Variants in NBEA observed in about 807,000 individuals in gnomAD.
The protein encoded by NBEA is neurobeachin, also known as lysosomal-trafficking regulator 2.
NBEA carries 44 observed loss-of-function variants against 343.4 expected under a neutral mutation model. The observed-to-expected ratio is 0.13, with a 90% confidence interval of 0.10 to 0.16. NBEA has a LOEUF of 0.16. Among genes scored for constraint, NBEA ranks in the 10% least tolerant of loss-of-function variants. The pLI is 1.00. For missense variants in NBEA, 2,555 were observed against 3,631.3 expected (o/e 0.70, Z 7.62); for synonymous variants, 1,175 against 1,238.7 (o/e 0.95, Z 1.08).
chr13:35,475,562 G>A (rs753585442), intron 41 of NBEA: 2 of 1,613,454 alleles, frequency 1.2e-6, no homozygotes, highest in Non-Finnish European at 1.7e-6. Flanking sequence ...CCCGGCCAGG[G>A]GATGTGGGGA....
intron 41 of NBEA, among the ~76,000 whole-genome samples, chr13:35,526,241 C>T (rs931568213): frequency 6.6e-5 from 10 of 152,164 alleles, no homozygotes; most frequent in Non-Finnish European, 1.3e-4. Context: ...TGCTATGAAA[C>T]GGTCCAATCA....
chr13:35,240,132 C>T (rs571879006), intron 34 of NBEA, among the ~76,000 whole-genome samples: 10 of 151,456 alleles, frequency 6.6e-5, no homozygotes, highest in East Asian at 2.0e-4. Context: ...TCTATGTATT[C>T]GTAATGATAA....
intron 13 of NBEA, among the ~76,000 whole-genome samples, chr13:35,115,267 T>A (rs2066437616): frequency 6.6e-6 from 1 of 152,110 alleles, no homozygotes. Flanking sequence ...CAAAGCTTTA[T>A]TTTGAATACA....
At chr13:35,312,301 C>T (rs1033249982) in intron 36 of NBEA, among the ~76,000 whole-genome samples, 2 of 151,934 alleles carry the variant, frequency 1.3e-5, no homozygotes, top group Non-Finnish European at 2.9e-5. Context: ...GAGTACTTAC[C>T]CAAAGGAATG....
At chr13:35,010,724 T>TAAAAAAAAAAA (rs2061456880) in intron 1 of NBEA, among the ~76,000 whole-genome samples, 1 of 14,084 alleles carries the variant, frequency 7.1e-5, no homozygotes, top group African/African-American at 3.2e-4. Context: ...ACTGGGTCTC[T>TAAAAAAAAAAA]ACAAAAAAAA....
At chr13:35,616,576 G>T (rs1203210434) in intron 48 of NBEA, among the ~76,000 whole-genome samples, 1 of 152,082 alleles carries the variant, frequency 6.6e-6, no homozygotes, top group Non-Finnish European at 1.5e-5. Context: ...GGGTTTTAGA[G>T]AATTAACAGA....
chr13:35,032,349 G>T (rs1023085959), intron 1 of NBEA, among the ~76,000 whole-genome samples: 4 of 151,616 alleles, frequency 2.6e-5, no homozygotes, highest in Non-Finnish European at 4.4e-5. Context: ...ATTCTTCTTG[G>T]TATGATATGG....
intron 40 of NBEA, among the ~76,000 whole-genome samples, chr13:35,454,023 T>C (rs941676005): frequency 1.3e-5 from 2 of 152,200 alleles, no homozygotes; most frequent in Admixed American, 6.5e-5. Context: ...AGCATACCTG[T>C]TCCTATCCAT....
rs576821145 is a variant in NBEA at position 34,984,698 on chromosome 13, T to C, written c.294+41584T>C. On this transcript the variant is annotated intron_variant, in intron 1 of 58. Transcript: ENST00000379939. ...TGGAATGTTCTTCCATTTGTTTGTG[T>C]TCTCTTTTATTTCGTTGAGCAGTGG... 1.4e-3 allele frequency among the ~76,000 whole-genome samples: 213 copies of C among 151,232 alleles called. 5 individuals are homozygous for C. The highest frequency in any genetic ancestry group is 4.7e-3 in the African/African-American group (195 of 41,490).
chr13:35,481,058 G>A (rs937605597), intron 41 of NBEA, among the ~76,000 whole-genome samples: 6 of 152,024 alleles, frequency 3.9e-5, no homozygotes, highest in Admixed American at 2.6e-4. Context: ...TTTGAGAATC[G>A]TGGTTAATTT....
At chr13:35,646,067 G>C in intron 50 of NBEA, 136 bp downstream of exon 50, 1 of 712,636 alleles carries the variant, frequency 1.4e-6, no homozygotes, top group Non-Finnish European at 2.4e-6. Flanking sequence ...AAGCATGTTT[G>C]GAAGGAGAAG....
intron 36 of NBEA, among the ~76,000 whole-genome samples, chr13:35,334,556 C>T (rs2039131423): frequency 6.6e-6 from 1 of 152,162 alleles, no homozygotes. Context: ...AGGCGTGGGC[C>T]ACCATGCCCA....
chr13:35,571,767 TTC>T (rs201137901), intron 45 of NBEA, among the ~76,000 whole-genome samples: 2,005 of 152,254 alleles, frequency 0.013, 18 homozygotes, highest in Non-Finnish European at 0.02. Flanking sequence ...CAATAAATAA[TTC>T]TGTTTTATCA....
chr13:35,182,814 A>T (rs1212824018), intron 29 of NBEA, among the ~76,000 whole-genome samples: 1 of 151,938 alleles, frequency 6.6e-6, no homozygotes, highest in Non-Finnish European at 1.5e-5. Flanking sequence ...CAAGTAACTC[A>T]TATATTGTTA....
chr13:34,995,203 A>G (rs2152519864), intron 1 of NBEA, among the ~76,000 whole-genome samples: 1 of 152,354 alleles, frequency 6.6e-6, no homozygotes, highest in African/African-American at 2.4e-5. Flanking sequence ...CTGTAATCCC[A>G]GCACTTTGGG....
chr13:35,415,300 T>C (rs1268874581), intron 38 of NBEA, among the ~76,000 whole-genome samples: 1 of 152,186 alleles, frequency 6.6e-6, no homozygotes, highest in Non-Finnish European at 1.5e-5. Flanking sequence ...AGTCATGAAG[T>C]CCTTGCCCAT....
At chr13:35,616,021 C>T (rs1171122257) in intron 48 of NBEA, among the ~76,000 whole-genome samples, 1 of 152,172 alleles carries the variant, frequency 6.6e-6, no homozygotes, top group Non-Finnish European at 1.5e-5. Flanking sequence ...TCCTTCAATT[C>T]TACAAATGGA....
At chr13:35,311,702 A>C (rs2037378420) in intron 36 of NBEA, among the ~76,000 whole-genome samples, 1 of 152,134 alleles carries the variant, frequency 6.6e-6, no homozygotes, top group South Asian at 2.1e-4. Flanking sequence ...AAAAATACAA[A>C]AATTAGCCAG....
intron 18 of NBEA, among the ~76,000 whole-genome samples, chr13:35,152,576 T>C (rs974731441): frequency 6.6e-6 from 1 of 152,206 alleles, no homozygotes; most frequent in Non-Finnish European, 1.5e-5. Context: ...TAGCCCCTGC[T>C]TCAGCCTAAA....
Sources: allele counts gnomAD v4.1 joint callset (sites outside exome capture counted in the v4.1 genomes callset), GRCh38; gene constraint gnomAD v4.1.1; transcripts MANE v1.5; gene names NCBI Gene and HGNC (gene_info 2026-07-23, HGNC 2026-07-21).